UBA6: variants seen among roughly 807,000 people sequenced by gnomAD.
UBA6 encodes the protein ubiquitin like modifier activating enzyme 6, also known as ubiquitin-like modifier-activating enzyme 6.
Under a neutral mutation model 148.3 loss-of-function variants are expected in UBA6, and 87 were observed. That is an observed-to-expected ratio of 0.59 (90% CI 0.49 to 0.70). The LOEUF (loss-of-function observed/expected upper bound fraction) is 0.70. UBA6 is among the 30% of genes least tolerant of loss of function. The probability of loss-of-function intolerance (pLI) is 0.00; values close to 1 mark genes in which losing one functional copy is unlikely to be tolerated. For synonymous variants in UBA6, 376 were observed against 401.0 expected, an observed-to-expected ratio of 0.94 and a Z score of 0.75; for missense variants, 1,186 against 1,241.2, an observed-to-expected ratio of 0.96 and a Z score of 0.67.
chr4:67,683,302 T>A (rs1730484233), intron 2 of UBA6, among the ~76,000 whole-genome samples: 1 of 152,240 alleles, frequency 6.6e-6, no homozygotes, highest in South Asian at 2.1e-4. Context: ...ATAGATGGAA[T>A]CACTTTGAGT....
intron 19 of UBA6, among the ~76,000 whole-genome samples, chr4:67,638,593 C>T (rs2109910214): frequency 6.6e-6 from 1 of 152,222 alleles, no homozygotes; most frequent in East Asian, 1.9e-4. Flanking sequence ...CAGTGGGACT[C>T]ACCCCAAAGT....
intron 3 of UBA6, among the ~76,000 whole-genome samples, chr4:67,681,829 T>C (rs1730447049): frequency 6.6e-6 from 1 of 152,196 alleles, no homozygotes; most frequent in Admixed American, 6.5e-5. Flanking sequence ...TTCTTCCAGA[T>C]ATGTTTTTAT....
intron 28 of UBA6, 144 bp from the exon 29 acceptor site, chr4:67,625,331 CTAATG>C: frequency 3.3e-6 from 2 of 601,972 alleles, no homozygotes; most frequent in Non-Finnish European, 2.5e-6. Flanking sequence ...ATTCAGGCAA[CTAATG>C]TTATTGAAGG....
intron 11 of UBA6, 190 bp downstream of exon 11, chr4:67,663,695 T>A (rs1729919941): frequency 4.0e-6 from 2 of 506,260 alleles, no homozygotes; most frequent in South Asian, 3.6e-5. Context: ...TTTTTTTCTA[T>A]GAGACAAATT....
chr4:67,621,574 G>A (rs1329060811), intron 32 of UBA6, among the ~76,000 whole-genome samples: 2 of 152,124 alleles, frequency 1.3e-5, no homozygotes, highest in Non-Finnish European at 2.9e-5. Flanking sequence ...AGGCTGAGGC[G>A]GGAGAAATCA....
chr4:67,685,557 T>C (rs1421152800), intron 2 of UBA6, among the ~76,000 whole-genome samples: 2 of 152,154 alleles, frequency 1.3e-5, no homozygotes, highest in Non-Finnish European at 2.9e-5. Flanking sequence ...GGACAAAAAT[T>C]TGGGGGGCCA....
chr4:67,673,440 T>G (rs974833183), intron 7 of UBA6, among the ~76,000 whole-genome samples: 1 of 147,434 alleles, frequency 6.8e-6, no homozygotes, highest in African/African-American at 2.5e-5. Flanking sequence ...AAAAAAAAAA[T>G]TAGATGATGA....
At chr4:67,644,858 T>C in intron 16 of UBA6, 80 bp from the exon 17 acceptor site, 1 of 678,876 alleles carries the variant, frequency 1.5e-6, no homozygotes, top group Non-Finnish European at 2.6e-6. Flanking sequence ...TTTAACAGGT[T>C]TATTTTACCA....
chr4:67,627,949 T>G (rs1728908567), intron 27 of UBA6, among the ~76,000 whole-genome samples: 1 of 151,404 alleles, frequency 6.6e-6, no homozygotes, highest in Non-Finnish European at 1.5e-5. Context: ...TTTTTTTTTT[T>G]TTTTCAATGT....
chr4:67,624,102 A>G, intron 30 of UBA6, 24 bp downstream of exon 30: 1 of 1,524,932 alleles, frequency 6.6e-7, no homozygotes, highest in South Asian at 1.3e-5. Flanking sequence ...TCATTATACA[A>G]GAGAAATAGA....
intron 28 of UBA6, 43 bp from the exon 29 acceptor site, chr4:67,625,230 T>C: frequency 6.8e-7 from 1 of 1,481,468 alleles, no homozygotes; most frequent in Non-Finnish European, 9.2e-7. Context: ...CAGCAAGCAG[T>C]AAAGATTTTA....
intron 14 of UBA6, among the ~76,000 whole-genome samples, chr4:67,647,877 G>GA (rs1227415014): frequency 6.7e-6 from 1 of 150,026 alleles, no homozygotes; most frequent in Non-Finnish European, 1.5e-5. Flanking sequence ...AGGTTCAAGC[G>GA]ATTCTCCTGC....
At position 67,662,259 on chromosome 4, in the gene UBA6, C is replaced by T. The variant is rs975948656; in HGVS notation, c.1038-4G>A. The T allele has an allele frequency of 6.2e-7, 1 of 1,612,756 alleles. No individual in the cohort carries two copies. The highest frequency in any genetic ancestry group is 2.2e-5 in the East Asian group (1 of 44,778). ...TTCTTCTGAATCTTGTTGGCATCTACAACTCAAAACAGAACACCCTAACTT... is the reference window on the plus strand; with the variant it reads ...TTCTTCTGAATCTTGTTGGCATCTATAACTCAAAACAGAACACCCTAACTT... On this transcript the variant is annotated splice_polypyrimidine_tract_variant and splice_region_variant and intron_variant, in intron 12 of 32. Transcript: ENST00000322244.
intron 2 of UBA6, among the ~76,000 whole-genome samples, chr4:67,693,577 T>C (rs1730750061): frequency 6.6e-6 from 1 of 152,114 alleles, no homozygotes; most frequent in Non-Finnish European, 1.5e-5. Flanking sequence ...AACTTGTTAG[T>C]AGGGTAGAGT....
chr4:67,649,451 C>G (rs1459195314), intron 13 of UBA6, among the ~76,000 whole-genome samples: 1 of 152,136 alleles, frequency 6.6e-6, no homozygotes, highest in African/African-American at 2.4e-5. Flanking sequence ...ATATGTCACT[C>G]TAGGGCATCA....
At chr4:67,670,341 T>G in intron 8 of UBA6, 129 bp downstream of exon 8, 1 of 710,710 alleles carries the variant, frequency 1.4e-6, no homozygotes, top group South Asian at 2.0e-5. Context: ...ACATATTCCC[T>G]CATTATCTTA....
intron 2 of UBA6, among the ~76,000 whole-genome samples, chr4:67,694,415 G>A (rs1311888078): frequency 1.4e-5 from 2 of 147,644 alleles, no homozygotes; most frequent in Non-Finnish European, 3.0e-5. Context: ...TTCTTGACAT[G>A]GAGTTTTGCT....
In UBA6 at chr4:67,677,635, A is replaced by G. The variant is rs762543019; in HGVS notation, c.441T>C (p.Asp147=). 6.3e-7 allele frequency: 1 copy of G among 1,588,714 alleles called. No homozygotes were observed. Among genetic ancestry groups the G allele is most frequent in the Non-Finnish European group, 8.6e-7 (1 of 1,160,012 alleles). Residue 147 remains aspartate (D), a synonymous_variant, in exon 6 of 33, where the codon GAT becomes GAC. Transcript: ENST00000322244. ...CCTGGTATTTATCTAAAAAGGAGAG[A>G]TCTGTGGTCTCATTGAAAGGAACAG... ...SSSVPFNETT[D]LSFLDKYQCV...
rs1330321258 is a variant in UBA6 at position 67,618,733 on chromosome 4, T to C, written c.*264A>G. 3.1e-6 allele frequency: 1 copy of C among 324,120 alleles called. No homozygotes were observed. Among genetic ancestry groups the C allele is most frequent in the African/African-American group, 2.1e-5 (1 of 46,724 alleles). The allele number at this position is 324,120 out of a possible 1,614,324, so 20.1% of individuals were successfully genotyped here. A position where few individuals can be genotyped will look rare whatever the true frequency, so the allele number is the denominator to read the frequency against. ...TTATCCAGAGAGATTAATACACAGA[T>C]TAATACACAAAACTTTTGTAAATAG... On this transcript the variant is annotated 3_prime_UTR_variant, in exon 33 of 33. Coordinates refer to ENST00000322244, the MANE Select transcript of UBA6 (RefSeq NM_018227.6).
Sources: gnomAD v4.1 joint callset for allele counts (sites outside exome capture counted in the v4.1 genomes callset) on GRCh38, gnomAD v4.1.1 for gene constraint, MANE v1.5 for transcripts, NCBI Gene and HGNC (gene_info 2026-07-23, HGNC 2026-07-21) for gene names.